SAMD4B: variants seen among roughly 807,000 people sequenced by gnomAD.
SAMD4B encodes sterile alpha motif domain containing 4B.
SAMD4B carries 5 observed loss-of-function variants against 74.5 expected under a neutral mutation model. The ratio of observed to expected loss-of-function variants is 0.07; its 90% CI spans 0.04 to 0.14. The LOEUF (loss-of-function observed/expected upper bound fraction) is 0.14, where lower values mean the gene tolerates loss of function less well. SAMD4B is among the 10% of genes least tolerant of loss of function. The pLI is 1.00. For synonymous variants in SAMD4B, 373 were observed against 374.9 expected (o/e 1.00, Z 0.06); for missense variants, 608 against 921.8 (o/e 0.66, Z 4.41).
Position 39,385,614 on chromosome 19 carries a change from G to A in SAMD4B, c.*2087G>A, listed in dbSNP as rs2078227558. ...GAGTAACTGTACAGTTTTTCTCGCT[G>A]TTGGAGAAGACTTATTTGTTGGAGT... On this transcript the variant is annotated 3_prime_UTR_variant, in exon 14 of 14. Coordinates refer to ENST00000610417, the MANE Select transcript of SAMD4B (RefSeq NM_001384574.2). 2 of 512,632 alleles carry A rather than the reference G, an allele frequency of 3.9e-6. No individual in the cohort carries two copies. Among genetic ancestry groups the A allele is most frequent in the Non-Finnish European group, 6.8e-6 (2 of 293,666 alleles). 31.8% of individuals were successfully genotyped at this position (512,632 alleles called of 1,614,324 possible).
At chr19:39,389,424 C>G, downstream of SAMD4B, 1 of 1,607,446 alleles carries the variant, frequency 6.2e-7, no homozygotes, top group Non-Finnish European at 8.5e-7. The surrounding 1 kb of genome is among the most constrained non-coding windows in gnomAD (Gnocchi z 5.3). Context: ...CCACTGCCCT[C>G]CTGCTTGTAG....
chr19:39,345,788 C>T lies in SAMD4B; in HGVS notation c.-267+3212C>T, dbSNP rs1189421952. On this transcript the variant is annotated intron_variant, in intron 1 of 13. Coordinates refer to ENST00000610417, the MANE Select transcript of SAMD4B (RefSeq NM_001384574.2). ...AAGCAGCTCTTCCTTCTGCATTTGG[C>T]CAGAAATCTCCAAGTTCCTCAGATC... is the stretch of plus-strand genomic sequence containing the variant. 2.0e-5 allele frequency among the ~76,000 whole-genome samples: 3 copies of T among 152,184 alleles called. 1 individual carries two copies. Among genetic ancestry groups the T allele is most frequent in the African/African-American group, 4.8e-5 (2 of 41,452 alleles).
rs141800288 is a variant in SAMD4B, at chr19:39,373,297, A to G, written c.668-2353A>G. Reference sequence around the variant, plus strand: ...CTGACTTGGGGTACTTCTGGATGCCATAGGTGGAGCTCAGAGGCCCTCTTA... The same window carrying G: ...CTGACTTGGGGTACTTCTGGATGCCGTAGGTGGAGCTCAGAGGCCCTCTTA... On this transcript the variant is annotated intron_variant, in intron 4 of 13. Coordinates refer to ENST00000610417, the MANE Select transcript of SAMD4B (RefSeq NM_001384574.2). Among the ~76,000 whole-genome samples, 14 of 152,266 alleles carry G rather than the reference A, an allele frequency of 9.2e-5. No individual in the cohort carries two copies. The East Asian group carries it at 1.5e-3, about 17-fold the overall frequency.
Position 39,375,616 on chromosome 19 carries a change from G to T in SAMD4B, c.668-34G>T. 2 of 1,588,522 alleles carry T rather than the reference G, an allele frequency of 1.3e-6. No individual in the cohort carries two copies. The highest frequency in any genetic ancestry group is 1.7e-6 in the Non-Finnish European group (2 of 1,160,094). On this transcript the variant is annotated intron_variant, in intron 4 of 13. Coordinates refer to ENST00000610417, the MANE Select transcript of SAMD4B (RefSeq NM_001384574.2). The surrounding 1 kb of genome is among the most constrained non-coding windows in gnomAD (Gnocchi z 4.1). Reference sequence around the variant, plus strand: ...TGGTCTCCTGTGGTTGGGTCCCCAGGTCTAATATTTTGCTTTTCTCCCACT... The same window carrying T: ...TGGTCTCCTGTGGTTGGGTCCCCAGTTCTAATATTTTGCTTTTCTCCCACT...
chr19:39,385,984 C>T (rs1373702114), downstream of SAMD4B: 1 of 1,613,044 alleles, frequency 6.2e-7, no homozygotes, highest in African/African-American at 1.3e-5. Context: ...CCTGAATGCC[C>T]TGGGACTCAG....
At position 39,379,941 on chromosome 19, in the gene SAMD4B, T is replaced by A. The variant is rs777850508; in HGVS notation, c.1531-25T>A. 1.2e-5 allele frequency: 19 copies of A among 1,583,140 alleles called. No homozygotes were observed. The East Asian group carries it at 4.3e-4, about 35-fold the overall frequency. ...CTGAAGGAAGCATCACCCTCTCTGCTTCACCGGTGTCCTGCCAATTCTAGG... is the reference window on the plus strand; with the variant it reads ...CTGAAGGAAGCATCACCCTCTCTGCATCACCGGTGTCCTGCCAATTCTAGG... On this transcript the variant is annotated intron_variant, in intron 9 of 13. Transcript: ENST00000610417.
intron 3 of SAMD4B, among the ~76,000 whole-genome samples, chr19:39,360,736 G>C (rs1398305581): frequency 6.6e-6 from 1 of 152,162 alleles, no homozygotes; most frequent in Non-Finnish European, 1.5e-5. Context: ...TCATACTCTT[G>C]TTTCTCCTCT....
chr19:39,383,204 C>T lies in SAMD4B; in HGVS notation c.1973-4C>T, dbSNP rs758830655. On this transcript the variant is annotated splice_polypyrimidine_tract_variant and splice_region_variant and intron_variant, in intron 12 of 13. Coordinates refer to ENST00000610417, the MANE Select transcript of SAMD4B (RefSeq NM_001384574.2). The surrounding 1 kb of genome is among the most constrained non-coding windows in gnomAD (Gnocchi z 4.1). ...CCACCCCCATTCTCCTCTCTCCCAC[C>T]CAGACTGCCCGGTTCCTGGGCCTGA... 2.5e-6 allele frequency: 4 copies of T among 1,613,940 alleles called. No homozygotes were observed. The East Asian group carries it at 6.7e-5, about 27-fold the overall frequency.
downstream of SAMD4B, chr19:39,387,274 T>C (rs1346680389): frequency 5.7e-6 from 2 of 352,908 alleles, no homozygotes; most frequent in Admixed American, 2.9e-5. Context: ...TATCTAAACA[T>C]AGAAAAGGTA....
At chr19:39,376,289 G>C (rs748337165) in intron 5 of SAMD4B, 148 bp from the exon 6 acceptor site, 37 of 635,948 alleles carry the variant, frequency 5.8e-5, no homozygotes, top group Admixed American at 4.4e-4. Context: ...AGATGAAGAA[G>C]GAGCTGATGG....
intron 1 of SAMD4B, among the ~76,000 whole-genome samples, chr19:39,348,791 CATG>C (rs1397327407): frequency 6.6e-6 from 1 of 152,030 alleles, no homozygotes; most frequent in Admixed American, 6.6e-5. Flanking sequence ...GAAATGGTGA[CATG>C]AATGTGGTGG....
rs1187850226 is a variant in SAMD4B at position 39,370,014 on chromosome 19, G to A, written c.556G>A (p.Ala186Thr). 1 of 1,612,784 alleles carries A rather than the reference G, an allele frequency of 6.2e-7. No homozygotes were observed. Among genetic ancestry groups the A allele is most frequent in the East Asian group, 2.2e-5 (1 of 44,802 alleles). ...GGPAELGPGE[A>T]GPGWQDKPPR... ...CCCTGCAGAGCTAGGCCCTGGGGAG[G>A]CAGGGCCAGGCTGGCAGGACAAGCC... Residue 186 changes from alanine to threonine, a missense_variant, in exon 4 of 14, where the codon GCA (alanine) becomes ACA (threonine). Around this residue, in one of 9 missense-constraint regions of SAMD4B, gnomAD observed 153 missense variants for 153.0 expected, o/e 1.00. Coordinates refer to ENST00000610417, the MANE Select transcript of SAMD4B (RefSeq NM_001384574.2).
intron 4 of SAMD4B, among the ~76,000 whole-genome samples, chr19:39,374,419 A>AC (rs889391968): frequency 6.6e-6 from 1 of 152,170 alleles, no homozygotes; most frequent in African/African-American, 2.4e-5. Context: ...AATGGGAGGT[A>AC]GTGAGGCCCC....
chr19:39,386,052 T>C (rs748983077), downstream of SAMD4B: 3 of 1,613,854 alleles, frequency 1.9e-6, no homozygotes, highest in Non-Finnish European at 2.5e-6. This position sits in a 1 kb window ranked among gnomAD's most constrained non-coding sequence, Gnocchi z 6.1. Context: ...GCCATCCTCC[T>C]GGGCCGAGTG....
intron 1 of SAMD4B, among the ~76,000 whole-genome samples, chr19:39,347,026 A>C (rs2075743959): frequency 6.6e-6 from 1 of 152,244 alleles, no homozygotes; most frequent in Non-Finnish European, 1.5e-5. Flanking sequence ...TAAAAACATA[A>C]AGTGATAGAA....
chr19:39,377,641 C>T lies in SAMD4B; in HGVS notation c.1261C>T (p.Pro421Ser), dbSNP rs755664619. ...KDGAPGEPPL[P>S]GAEPPLAHPG... ...TGGGGCCCCGGGGGAACCACCGCTGCCAGGTGCTGAGCCTCCCCTAGCCCA... is the reference window on the plus strand; with the variant it reads ...TGGGGCCCCGGGGGAACCACCGCTGTCAGGTGCTGAGCCTCCCCTAGCCCA... The change falls in exon 8 of 14, where the codon CCA becomes TCA. Residue 421 changes from proline to serine, a missense_variant. By Grantham distance (74) the Pro-to-Ser change is moderately conservative. This residue lies in a region of SAMD4B where 99 missense variants were observed against 112.1 expected (regional missense o/e 0.88). Transcript: ENST00000610417. The T allele has an allele frequency of 3.1e-6, 5 of 1,614,086 alleles. No homozygotes were observed. Among genetic ancestry groups the T allele is most frequent in the Admixed American group, 3.3e-5 (2 of 60,006 alleles).
Position 39,357,119 on chromosome 19 carries a change from C to T in SAMD4B, c.196+30C>T, listed in dbSNP as rs1208953332. On this transcript the variant is annotated intron_variant, in intron 3 of 13. Coordinates refer to ENST00000610417, the MANE Select transcript of SAMD4B (RefSeq NM_001384574.2). Reference sequence around the variant, plus strand: ...GTTTCCACCCTTAGAGATGGGAGCACAGCAGGAGGGAGACCTGGAACAGAT... The same window carrying T: ...GTTTCCACCCTTAGAGATGGGAGCATAGCAGGAGGGAGACCTGGAACAGAT... 9 of 1,560,982 alleles carry T rather than the reference C, an allele frequency of 5.8e-6. No homozygotes were observed. In the Admixed American group the frequency reaches 1.2e-4, roughly 21 times the overall value.
intron 10 of SAMD4B, 120 bp downstream of exon 10, chr19:39,380,204 C>T (rs1199471217): frequency 1.1e-5 from 8 of 755,552 alleles, no homozygotes; most frequent in Middle Eastern, 3.8e-4. Flanking sequence ...AGTCACTGGG[C>T]GACTTTCCCA....
Position 39,377,632 on chromosome 19 carries a change from C to T in SAMD4B, c.1252C>T (p.Pro418Ser), listed in dbSNP as rs751374015. ...PTAKDGAPGEPPLPGAEPPLA... is the reference protein window; with the variant it reads ...PTAKDGAPGESPLPGAEPPLA... ...TGCCAAGGATGGGGCCCCGGGGGAACCACCGCTGCCAGGTGCTGAGCCTCC... is the reference window on the plus strand; with the variant it reads ...TGCCAAGGATGGGGCCCCGGGGGAATCACCGCTGCCAGGTGCTGAGCCTCC... The change falls in exon 8 of 14, where the codon CCA becomes TCA. Residue 418 changes from proline to serine, a missense_variant. By Grantham distance (74) the Pro-to-Ser change is moderately conservative. Around this residue, in one of 9 missense-constraint regions of SAMD4B, gnomAD observed 99 missense variants for 112.1 expected, o/e 0.88. Transcript: ENST00000610417. 1 of 1,614,078 alleles carries T rather than the reference C, an allele frequency of 6.2e-7. No individual in the cohort carries two copies.
Sources: gnomAD v4.1 joint callset for allele counts (sites outside exome capture counted in the v4.1 genomes callset) on GRCh38, gnomAD v4.1.1 for gene constraint, gnomAD v4.1.1 regional missense constraint, Gnocchi (gnomAD v3.1) non-coding constraint, MANE v1.5 for transcripts, NCBI Gene and HGNC (gene_info 2026-07-23, HGNC 2026-07-21) for gene names.